Variants in NPR3 observed in about 807,000 individuals in gnomAD.
NPR3 encodes natriuretic peptide receptor 3, also known as atrial natriuretic peptide receptor 3.
A neutral mutation model predicts 54.5 loss-of-function variants in NPR3; 34 were observed. The observed-to-expected ratio is 0.62, with a 90% CI of 0.47 to 0.83. The LOEUF is 0.83. NPR3 is among the 40% of genes least tolerant of loss of function. NPR3 has a pLI of 0.00. For synonymous variants in NPR3, 289 were observed against 297.1 expected (o/e 0.97, Z 0.28); for missense variants, 674 against 720.8 (o/e 0.94, Z 0.74).
intron 2 of NPR3, among the ~76,000 whole-genome samples, chr5:32,728,503 T>C (rs1375109359): frequency 6.6e-6 from 1 of 151,228 alleles, no homozygotes; most frequent in Admixed American, 6.6e-5. Context: ...TGGGATAGTA[T>C]TGCCAGATTT....
chr5:32,783,159 C>T (rs1254195967), intron 6 of NPR3, 131 bp downstream of exon 6: 7 of 758,002 alleles, frequency 9.2e-6, no homozygotes, highest in African/African-American at 1.8e-5. Context: ...TGTGGTAAAA[C>T]GCATGGGAAC....
intron 3 of NPR3, among the ~76,000 whole-genome samples, chr5:32,761,711 T>G (rs1741169748): frequency 1.3e-5 from 2 of 151,732 alleles, no homozygotes; most frequent in South Asian, 4.2e-4. Flanking sequence ...ATATGGTAAC[T>G]CTCTTTGGCT....
intron 1 of NPR3, among the ~76,000 whole-genome samples, chr5:32,703,349 G>A (rs1172847739): frequency 3.9e-5 from 6 of 152,058 alleles, no homozygotes; most frequent in Admixed American, 3.9e-4. Context: ...ATGCCACTGT[G>A]GCTGAGCTGG....
At chr5:32,752,282 T>C (rs1740619417) in intron 3 of NPR3, among the ~76,000 whole-genome samples, 1 of 152,154 alleles carries the variant, frequency 6.6e-6, no homozygotes, top group Non-Finnish European at 1.5e-5. Flanking sequence ...ATACTAGTTT[T>C]GCACAGAAGC....
intron 3 of NPR3, among the ~76,000 whole-genome samples, chr5:32,748,131 A>G (rs988702011): frequency 6.6e-6 from 1 of 152,224 alleles, no homozygotes; most frequent in African/African-American, 2.4e-5. Flanking sequence ...TGCTGGGTAT[A>G]AAATTTTCTT....
chr5:32,723,028 C>T (rs547379036), intron 1 of NPR3, among the ~76,000 whole-genome samples: 18 of 152,240 alleles, frequency 1.2e-4, no homozygotes, highest in East Asian at 5.8e-4. Context: ...AATTAACGTG[C>T]GCAGTAAACT....
intron 3 of NPR3, among the ~76,000 whole-genome samples, chr5:32,770,878 T>C (rs1339507295): frequency 6.6e-6 from 1 of 152,206 alleles, no homozygotes; most frequent in Non-Finnish European, 1.5e-5. Context: ...TCCCAGTTGT[T>C]TACCTGTGAT....
At chr5:32,713,707 G>C (rs906732699) in intron 1 of NPR3, among the ~76,000 whole-genome samples, 1 of 152,226 alleles carries the variant, frequency 6.6e-6, no homozygotes, top group Non-Finnish European at 1.5e-5. Context: ...CTGGTCGTAG[G>C]GGACAGCGCA....
upstream of NPR3, chr5:32,710,607 C>A: frequency 7.1e-7 from 1 of 1,414,348 alleles, no homozygotes. Context: ...TGGCGCGGGG[C>A]TGAGGAAGGC....
At position 32,776,118 on chromosome 5, in the gene NPR3, T is replaced by C. The variant is rs942894689; in HGVS notation, c.1195+1275T>C. Among the ~76,000 whole-genome samples, 3 of 152,238 alleles carry C rather than the reference T, an allele frequency of 2.0e-5. 1 individual carries two copies. The highest frequency in any genetic ancestry group is 2.0e-4 in the Admixed American group (3 of 15,284). The stretch of plus-strand genomic sequence containing the variant: ...ATTTTAAGCCTTCTGCCAGCACATA[T>C]GCATTTGTATATCTTATCTTAAAAT... On this transcript the variant is annotated intron_variant, in intron 4 of 7. Transcript: ENST00000265074.
At chr5:32,710,691 C>T (rs1738162436), upstream of NPR3, 2 of 1,544,704 alleles carry the variant, frequency 1.3e-6, no homozygotes, top group Admixed American at 4.0e-5. Flanking sequence ...GGACCTTGGT[C>T]CTTGTTCCCT....
In NPR3 at chr5:32,711,973, T is replaced by C; in HGVS notation, c.197T>C (p.Leu66Ser). ...LVLLPQDDSYLFSLTRVRPAI... is the reference protein window; with the variant it reads ...LVLLPQDDSYSFSLTRVRPAI... ...TTACTGCCCCAGGATGACTCGTACT[T>C]GTTTTCACTCACCCGGGTGCGGCCG... Residue 66 changes from leucine (L) to serine (S), a missense_variant, in exon 1 of 8, where the codon TTG (leucine) becomes TCG (serine). Leu to Ser is a moderately radical substitution (Grantham distance 145). Coordinates refer to ENST00000265074, the MANE Select transcript of NPR3 (RefSeq NM_001204375.2). 6.2e-7 allele frequency: 1 copy of C among 1,605,170 alleles called. No individual in the cohort carries two copies. Among genetic ancestry groups the C allele is most frequent in the Non-Finnish European group, 8.5e-7 (1 of 1,175,750 alleles).
At chr5:32,765,994 G>A (rs1158817874) in intron 3 of NPR3, among the ~76,000 whole-genome samples, 4 of 152,182 alleles carry the variant, frequency 2.6e-5, no homozygotes, top group East Asian at 1.9e-4. Flanking sequence ...GGGGTTGCGG[G>A]GGGAACTGCC....
intron 1 of NPR3, among the ~76,000 whole-genome samples, chr5:32,698,195 TC>T: frequency 6.6e-6 from 1 of 152,192 alleles, no homozygotes. Context: ...TGTTCCATTA[TC>T]CTTTGTTTCA....
At chr5:32,729,036 T>TTTTTTG (rs1739316469) in intron 2 of NPR3, among the ~76,000 whole-genome samples, 1 of 10,252 alleles carries the variant, frequency 9.8e-5, no homozygotes, top group African/African-American at 1.2e-3. Flanking sequence ...TTTTGTTTTG[T>TTTTTTG]TTTTTTTTTT....
At chr5:32,720,286 C>T (rs182868772) in intron 1 of NPR3, among the ~76,000 whole-genome samples, 6 of 152,166 alleles carry the variant, frequency 3.9e-5, no homozygotes, top group Middle Eastern at 3.4e-3. Flanking sequence ...CCTCTTGTTG[C>T]GGGTGAGGGG....
At chr5:32,745,892 G>A (rs559197586) in intron 3 of NPR3, among the ~76,000 whole-genome samples, 18 of 152,270 alleles carry the variant, frequency 1.2e-4, no homozygotes, top group South Asian at 4.1e-4. Context: ...ATGAATGTGA[G>A]TCTGATCCTG....
chr5:32,701,950 A>G (rs1356554062), intron 1 of NPR3, among the ~76,000 whole-genome samples: 1 of 152,154 alleles, frequency 6.6e-6, no homozygotes, highest in East Asian at 1.9e-4. Context: ...TGTGGCCACC[A>G]CCACTGGGAC....
chr5:32,720,051 G>C (rs1738772105), intron 1 of NPR3, among the ~76,000 whole-genome samples: 1 of 152,136 alleles, frequency 6.6e-6, no homozygotes, highest in African/African-American at 2.4e-5. Context: ...ATTTCCAAAA[G>C]GGCCTGCTTG....
Sources: gnomAD v4.1 joint callset for allele counts (sites outside exome capture counted in the v4.1 genomes callset) on GRCh38, gnomAD v4.1.1 for gene constraint, MANE v1.5 for transcripts, NCBI Gene and HGNC (gene_info 2026-07-23, HGNC 2026-07-21) for gene names.